Variants in TBC1D22A observed in about 807,000 individuals in gnomAD.
The protein encoded by TBC1D22A is TBC1 domain family member 22A, also known as putative GTPase activator.
In TBC1D22A, 38 loss-of-function variants were observed where a neutral mutation model predicts 60.2. The ratio of observed to expected loss-of-function variants is 0.63; its 90% CI spans 0.49 to 0.83. TBC1D22A has a LOEUF of 0.83. TBC1D22A is among the 40% of genes least tolerant of loss of function. The pLI is 0.00. For synonymous variants in TBC1D22A, 302 were observed against 281.7 expected (o/e 1.07, Z -0.72); for missense variants, 628 against 701.0 (o/e 0.90, Z 1.18).
At chr22:46,954,584 A>G (rs1354433618) in intron 8 of TBC1D22A, among the ~76,000 whole-genome samples, 1 of 152,102 alleles carries the variant, frequency 6.6e-6, no homozygotes, top group Non-Finnish European at 1.5e-5. Context: ...CTGTGGCTCC[A>G]TGCTCTGGGT....
intron 12 of TBC1D22A, among the ~76,000 whole-genome samples, chr22:47,144,970 C>G (rs1460532391): frequency 6.6e-6 from 1 of 152,264 alleles, no homozygotes. Flanking sequence ...TTTGGTGCCG[C>G]TGGACCAGAG....
chr22:46,984,223 C>T (rs536981004), intron 9 of TBC1D22A, among the ~76,000 whole-genome samples: 14 of 151,470 alleles, frequency 9.2e-5, no homozygotes, highest in East Asian at 7.8e-4. Flanking sequence ...AAAAATTAGC[C>T]GGGCATGGTG....
chr22:46,990,524 A>G lies in TBC1D22A; in HGVS notation c.1126-7110A>G, dbSNP rs558205447. ...AGCCAATATCGATACATTATTGTCAACTAAAGTCCACAGTTTACACCAGTT... is the reference window on the plus strand; with the variant it reads ...AGCCAATATCGATACATTATTGTCAGCTAAAGTCCACAGTTTACACCAGTT... On this transcript the variant is annotated intron_variant, in intron 9 of 12. Coordinates refer to ENST00000337137, the MANE Select transcript of TBC1D22A (RefSeq NM_014346.5). The surrounding 1 kb of genome is among the most constrained non-coding windows in gnomAD (Gnocchi z 4.6). Among the ~76,000 whole-genome samples the G allele has an allele frequency of 3.3e-5, 5 of 152,244 alleles. No homozygotes were observed. In the South Asian group the frequency reaches 1.0e-3, roughly 32 times the overall value.
At chr22:46,952,463 T>A (rs2072965610) in intron 8 of TBC1D22A, among the ~76,000 whole-genome samples, 1 of 152,228 alleles carries the variant, frequency 6.6e-6, no homozygotes, top group Non-Finnish European at 1.5e-5. Flanking sequence ...CCTGACATGA[T>A]ACCAAATGTT....
chr22:47,140,386 C>T (rs971074714), intron 12 of TBC1D22A, among the ~76,000 whole-genome samples: 9 of 151,652 alleles, frequency 5.9e-5, no homozygotes, highest in Non-Finnish European at 1.2e-4. Context: ...AGTGAAACCC[C>T]GTCTCTACTA....
intron 8 of TBC1D22A, chr22:46,913,354 C>T (rs2070099868): frequency 5.9e-6 from 8 of 1,366,462 alleles, no homozygotes; most frequent in Non-Finnish European, 7.8e-6. Context: ...TTGTGGTCGG[C>T]CTCAGATTCC....
chr22:46,908,126 C>T (rs1467782072), intron 7 of TBC1D22A, among the ~76,000 whole-genome samples: 1 of 152,218 alleles, frequency 6.6e-6, no homozygotes, highest in Non-Finnish European at 1.5e-5. Flanking sequence ...TTAGCAGCAA[C>T]CTCTGCTGCT....
At chr22:47,158,535 G>A (rs975895765) in intron 12 of TBC1D22A, among the ~76,000 whole-genome samples, 1 of 152,078 alleles carries the variant, frequency 6.6e-6, no homozygotes, top group African/African-American at 2.4e-5. Flanking sequence ...CATGGATCAC[G>A]GCCCACCCTC....
chr22:46,827,907 C>T (rs1232913816), intron 4 of TBC1D22A, among the ~76,000 whole-genome samples: 1 of 152,232 alleles, frequency 6.6e-6, no homozygotes, highest in Non-Finnish European at 1.5e-5. Flanking sequence ...CTCTGCAGCT[C>T]TTTGTGCGGA....
chr22:46,780,673 C>T (rs2083898591), intron 1 of TBC1D22A, among the ~76,000 whole-genome samples: 1 of 152,238 alleles, frequency 6.6e-6, no homozygotes, highest in African/African-American at 2.4e-5. Flanking sequence ...TAGCTGCCTT[C>T]ACTGAGGCGG....
intron 8 of TBC1D22A, among the ~76,000 whole-genome samples, chr22:46,940,934 A>C (rs2071980017): frequency 7.0e-6 from 1 of 143,490 alleles, no homozygotes; most frequent in Non-Finnish European, 1.5e-5. Context: ...TACACAGTCC[A>C]CCCTTGAACA....
At chr22:47,156,468 G>T (rs959528817) in intron 12 of TBC1D22A, among the ~76,000 whole-genome samples, 2 of 152,170 alleles carry the variant, frequency 1.3e-5, no homozygotes, top group Non-Finnish European at 2.9e-5. Flanking sequence ...TTGAGCGGCC[G>T]TCTCCTCCCT....
In TBC1D22A at chr22:46,927,313, C is replaced by T. The variant is rs984273137; in HGVS notation, c.1015+15125C>T. On this transcript the variant is annotated intron_variant, in intron 8 of 12. Coordinates refer to ENST00000337137, the MANE Select transcript of TBC1D22A (RefSeq NM_014346.5). ...ATGGTTCAACATTTGAAAGTCAATCCGTGTAATACACTGTATTAACAGAAT... is the reference window on the plus strand; with the variant it reads ...ATGGTTCAACATTTGAAAGTCAATCTGTGTAATACACTGTATTAACAGAAT... Among the ~76,000 whole-genome samples, 10 of 152,156 alleles carry T rather than the reference C, an allele frequency of 6.6e-5. 1 individual carries two copies. The highest frequency in any genetic ancestry group is 3.3e-4 in the Admixed American group (5 of 15,270).
intron 11 of TBC1D22A, among the ~76,000 whole-genome samples, chr22:47,082,818 A>G (rs2064524580): frequency 6.6e-6 from 1 of 152,222 alleles, no homozygotes; most frequent in South Asian, 2.1e-4. Context: ...GAAAACTGGC[A>G]CTTTCTTATA....
intron 4 of TBC1D22A, among the ~76,000 whole-genome samples, chr22:46,817,877 G>A (rs777837027): frequency 1.3e-5 from 2 of 152,192 alleles, no homozygotes; most frequent in Non-Finnish European, 2.9e-5. Flanking sequence ...CCCACCAGCA[G>A]TGTAAAAGTA....
chr22:46,882,480 A>G (rs74857298), intron 5 of TBC1D22A, among the ~76,000 whole-genome samples: 1,741 of 152,294 alleles, frequency 0.011, 12 homozygotes, highest in Non-Finnish European at 0.017. Flanking sequence ...ACATGAGCCA[A>G]CTGGGAAGCA....
At chr22:47,047,204 C>A (rs2063061850) in intron 11 of TBC1D22A, among the ~76,000 whole-genome samples, 1 of 152,166 alleles carries the variant, frequency 6.6e-6, no homozygotes, top group African/African-American at 2.4e-5. Flanking sequence ...CTGTGATATA[C>A]CAAGGCCAGC....
intron 1 of TBC1D22A, among the ~76,000 whole-genome samples, chr22:46,770,286 C>T (rs764471504): frequency 2.0e-5 from 3 of 152,176 alleles, no homozygotes; most frequent in African/African-American, 4.8e-5. Flanking sequence ...CTCCTGCATC[C>T]GCCAGGAGCT....
intron 10 of TBC1D22A, among the ~76,000 whole-genome samples, chr22:47,015,351 G>A (rs1168484187): frequency 4.6e-5 from 7 of 152,184 alleles, no homozygotes; most frequent in African/African-American, 1.7e-4. Context: ...TAATTCACAC[G>A]CTCAAAGCAT....
Sources: allele counts gnomAD v4.1 joint callset (sites outside exome capture counted in the v4.1 genomes callset), GRCh38; gene constraint gnomAD v4.1.1; non-coding constraint Gnocchi (gnomAD v3.1); transcripts MANE v1.5; gene names NCBI Gene and HGNC (gene_info 2026-07-23, HGNC 2026-07-21).